Variants in IL7 observed in about 807,000 individuals in gnomAD.
IL7 encodes the protein interleukin 7, also known as interleukin-7.
Under a neutral mutation model 21.6 loss-of-function variants are expected in IL7, and 3 were observed. That is an observed-to-expected ratio of 0.14 (90% CI 0.06 to 0.36). The LOEUF (loss-of-function observed/expected upper bound fraction) is 0.36, where lower values mean the gene tolerates loss of function less well. IL7 is among the 10% of genes least tolerant of loss of function. The pLI is 1.00. For missense variants in IL7, 175 were observed against 200.2 expected, an observed-to-expected ratio of 0.87 and a Z score of 0.76; for synonymous variants, 62 against 68.1, an observed-to-expected ratio of 0.91 and a Z score of 0.44.
intron 3 of IL7, among the ~76,000 whole-genome samples, chr8:78,708,915 C>T (rs1294824870): frequency 6.6e-6 from 1 of 152,096 alleles, no homozygotes; most frequent in Admixed American, 6.6e-5. Context: ...ATCCATCCAC[C>T]TCGGTTTCCC....
At chr8:78,804,583 C>T (rs1045709985) in intron 1 of IL7, among the ~76,000 whole-genome samples, 1 of 152,220 alleles carries the variant, frequency 6.6e-6, no homozygotes, top group South Asian at 2.1e-4. Context: ...AGACAGAGAG[C>T]CTTTGGCTGC....
Position 78,741,128 on chromosome 8 carries a change from A to G in IL7, c.148-1046T>C, listed in dbSNP as rs1229767996. On this transcript the variant is annotated intron_variant, in intron 2 of 5. Transcript: ENST00000263851. ...ATTTAGTCATGGGCTTTGAATCCTC[A>G]TCTGCCTCTCAGAAAAGTATTCATT... is the stretch of plus-strand genomic sequence containing the variant. Among the ~76,000 whole-genome samples, 5 of 152,320 alleles carry G rather than the reference A, an allele frequency of 3.3e-5. No homozygotes were observed. The South Asian group carries it at 6.2e-4, about 19-fold the overall frequency.
chr8:78,741,044 C>T (rs1430339990), intron 2 of IL7, among the ~76,000 whole-genome samples: 1 of 152,120 alleles, frequency 6.6e-6, no homozygotes, highest in African/African-American at 2.4e-5. Flanking sequence ...GGACTGAAAG[C>T]AATCTTAGCC....
At chr8:78,800,053 T>C (rs1325195463) in intron 1 of IL7, among the ~76,000 whole-genome samples, 1 of 152,108 alleles carries the variant, frequency 6.6e-6, no homozygotes, top group Admixed American at 6.6e-5. Flanking sequence ...AATAGGTAAT[T>C]TTTCAATCCT....
At chr8:78,746,814 C>CT (rs1465883999) in intron 2 of IL7, 4 of 344,290 alleles carry the variant, frequency 1.2e-5, no homozygotes, top group African/African-American at 8.7e-5. Context: ...AGAACTATTG[C>CT]TTTTTAGATC....
chr8:78,785,283 C>T (rs376419742), intron 2 of IL7, among the ~76,000 whole-genome samples: 7 of 152,192 alleles, frequency 4.6e-5, no homozygotes, highest in East Asian at 1.9e-4. Flanking sequence ...TTCTTCCATT[C>T]GATGAATTTT....
downstream of IL7, chr8:78,717,656 T>G (rs1811149325): frequency 1.6e-5 from 11 of 670,712 alleles, no homozygotes; most frequent in South Asian, 1.1e-4. Flanking sequence ...GTGTGTATGT[T>G]TATATGTGTA....
At chr8:78,735,373 C>T (rs1367413548) in intron 5 of IL7, among the ~76,000 whole-genome samples, 9 of 140,690 alleles carry the variant, frequency 6.4e-5, no homozygotes, top group Admixed American at 3.9e-4. Context: ...AGTGTAGTGG[C>T]GCGATCTCGG....
chr8:78,690,867 T>A (rs576540494), intron 3 of IL7, among the ~76,000 whole-genome samples: 1 of 152,300 alleles, frequency 6.6e-6, no homozygotes, highest in South Asian at 2.1e-4. Context: ...TGGAATTTTA[T>A]TTTATTTCAT....
intron 3 of IL7, among the ~76,000 whole-genome samples, chr8:78,721,625 G>C (rs138376678): frequency 4.9e-4 from 74 of 152,128 alleles, no homozygotes; most frequent in Non-Finnish European, 9.1e-4. Flanking sequence ...ACAGTTAACA[G>C]TGAAATGCGG....
chr8:78,746,685 A>G (rs1811989403), intron 2 of IL7, among the ~76,000 whole-genome samples: 1 of 152,202 alleles, frequency 6.6e-6, no homozygotes, highest in Non-Finnish European at 1.5e-5. Flanking sequence ...AATGAAACAC[A>G]TGGAGGTAAT....
At chr8:78,717,129 A>G (rs1242595738), downstream of IL7, among the ~76,000 whole-genome samples, 1 of 152,132 alleles carries the variant, frequency 6.6e-6, no homozygotes, top group African/African-American at 2.4e-5. Context: ...TTCTCGTAAC[A>G]CAGATAAATA....
intron 5 of IL7, among the ~76,000 whole-genome samples, chr8:78,735,276 C>CTTTTTTTTTTTTTTTTTTTTTTTTTTT: frequency 3.8e-3 from 294 of 78,346 alleles, no homozygotes; most frequent in Non-Finnish European, 4.3e-3. Flanking sequence ...CTTTTCTTTT[C>CTTTTTTTTTTTTTTTTTTTTTTTTTTT]TTTTTTTTTT....
chr8:78,679,173 A>G (rs1022217868), intron 4 of IL7: 1 of 152,202 alleles, frequency 6.6e-6, no homozygotes, highest in African/African-American at 2.4e-5. Flanking sequence ...GAAAAGTTTT[A>G]TCTGTTGTTC....
At chr8:78,723,220 T>A (rs926292022) in intron 3 of IL7, among the ~76,000 whole-genome samples, 1 of 151,652 alleles carries the variant, frequency 6.6e-6, no homozygotes, top group African/African-American at 2.4e-5. Context: ...ACAATCTTCA[T>A]GCTATATATA....
intron 2 of IL7, among the ~76,000 whole-genome samples, chr8:78,790,562 A>G (rs1813654074): frequency 6.6e-6 from 1 of 152,170 alleles, no homozygotes; most frequent in Non-Finnish European, 1.5e-5. Flanking sequence ...TCTGTGAGAT[A>G]CAAAGATGAC....
At chr8:78,763,627 A>G (rs1812651760) in intron 2 of IL7, among the ~76,000 whole-genome samples, 1 of 152,204 alleles carries the variant, frequency 6.6e-6, no homozygotes, top group African/African-American at 2.4e-5. Flanking sequence ...CTCACACAAA[A>G]AGAAATAGAA....
downstream of IL7, among the ~76,000 whole-genome samples, chr8:78,714,511 A>G (rs1811038952): frequency 6.6e-6 from 1 of 152,188 alleles, no homozygotes; most frequent in African/African-American, 2.4e-5. Flanking sequence ...ACTTGCTGTC[A>G]CAAAGCTGTC....
At chr8:78,804,573 A>C (rs1814238773) in intron 1 of IL7, among the ~76,000 whole-genome samples, 2 of 152,234 alleles carry the variant, frequency 1.3e-5, no homozygotes, top group Non-Finnish European at 2.9e-5. Flanking sequence ...GAAGGGCGCC[A>C]GACAGAGAGC....
Sources: allele counts gnomAD v4.1 joint callset (sites outside exome capture counted in the v4.1 genomes callset), GRCh38; gene constraint gnomAD v4.1.1; transcripts MANE v1.5; gene names NCBI Gene and HGNC (gene_info 2026-07-23, HGNC 2026-07-21).